DYNC2I1: variants seen among roughly 807,000 people sequenced by gnomAD.
The protein encoded by DYNC2I1 is dynein 2 intermediate chain 1, also known as cytoplasmic dynein 2 intermediate chain 1.
Under a neutral mutation model 133.4 loss-of-function variants are expected in DYNC2I1, and 89 were observed. That is an observed-to-expected ratio of 0.67 (90% confidence interval 0.56 to 0.80). DYNC2I1 has a LOEUF of 0.80. Among genes scored for constraint, DYNC2I1 ranks in the 30% least tolerant of loss-of-function variants. DYNC2I1 has a pLI of 0.00. For missense variants in DYNC2I1, 1,291 were observed against 1,314.5 expected, an observed-to-expected ratio of 0.98 and a Z score of 0.28; for synonymous variants, 504 against 484.3, an observed-to-expected ratio of 1.04 and a Z score of -0.54.
intron 21 of DYNC2I1, among the ~76,000 whole-genome samples, chr7:158,932,233 G>C (rs879759935): frequency 6.6e-5 from 10 of 152,328 alleles, no homozygotes; most frequent in Middle Eastern, 6.8e-3. Context: ...GACGAAGTGT[G>C]CTGTCAGGAT....
chr7:158,840,787 T>A, the DYNC2I1 span, among the ~76,000 whole-genome samples: 3 of 152,132 alleles, frequency 2.0e-5, no homozygotes, highest in South Asian at 6.2e-4. Flanking sequence ...CTCGGCCTGT[T>A]GTGAACTGCA....
chr7:158,907,235 G>A (rs1846916493), intron 11 of DYNC2I1, among the ~76,000 whole-genome samples: 2 of 146,150 alleles, frequency 1.4e-5, no homozygotes, highest in African/African-American at 5.0e-5. Flanking sequence ...TGGTTCTCCT[G>A]TGGAGGTAGC....
At chr7:158,918,971 T>A in intron 15 of DYNC2I1, 102 bp downstream of exon 15, 1 of 1,279,568 alleles carries the variant, frequency 7.8e-7, no homozygotes, top group Non-Finnish European at 1.0e-6. Flanking sequence ...TGATGGGGTT[T>A]AATGTACATA....
At chr7:158,948,032 A>G (rs1171866819), downstream of DYNC2I1, among the ~76,000 whole-genome samples, 1 of 152,218 alleles carries the variant, frequency 6.6e-6, no homozygotes, top group Non-Finnish European at 1.5e-5. Flanking sequence ...CCTCACCCCC[A>G]GGGAGGAGCT....
intron 1 of DYNC2I1, among the ~76,000 whole-genome samples, chr7:158,857,842 G>A (rs933871172): frequency 2.1e-5 from 3 of 145,588 alleles, no homozygotes; most frequent in African/African-American, 7.6e-5. Context: ...CCAGGCTGGA[G>A]TACAGTGGCA....
At chr7:158,881,681 C>T (rs976670433) in intron 5 of DYNC2I1, among the ~76,000 whole-genome samples, 13 of 152,118 alleles carry the variant, frequency 8.5e-5, no homozygotes, top group African/African-American at 3.1e-4. Flanking sequence ...TCTCAATCTC[C>T]TGACCTCATG....
At chr7:158,910,053 C>T (rs1175704642) in intron 11 of DYNC2I1, among the ~76,000 whole-genome samples, 1 of 152,162 alleles carries the variant, frequency 6.6e-6, no homozygotes, top group African/African-American at 2.4e-5. Context: ...TCATTGAGCA[C>T]CGGCTGTGTG....
chr7:158,908,516 G>A (rs182466473), intron 11 of DYNC2I1, among the ~76,000 whole-genome samples: 10 of 152,302 alleles, frequency 6.6e-5, no homozygotes, highest in African/African-American at 2.4e-4. Context: ...TGCATAAAAT[G>A]TTTTTATAAT....
chr7:158,873,779 T>C (rs956702460), intron 3 of DYNC2I1, among the ~76,000 whole-genome samples: 2 of 152,052 alleles, frequency 1.3e-5, no homozygotes, highest in Non-Finnish European at 2.9e-5. Context: ...TTTTTGGAGA[T>C]AGAGTCTCAC....
At chr7:158,952,372 G>C (rs1226895197) in intron 4 of DYNC2I1, among the ~76,000 whole-genome samples, 1 of 152,172 alleles carries the variant, frequency 6.6e-6, no homozygotes, top group Admixed American at 6.5e-5. Context: ...CCGCCTACCT[G>C]AATTGGTATT....
At chr7:158,863,321 CTT>C in intron 1 of DYNC2I1, among the ~76,000 whole-genome samples, 1 of 152,094 alleles carries the variant, frequency 6.6e-6, no homozygotes, top group Middle Eastern at 3.4e-3. Flanking sequence ...GTTTACAAAC[CTT>C]CAGCAAGACA....
chr7:158,879,270 G>A (rs1186044306), intron 4 of DYNC2I1, among the ~76,000 whole-genome samples: 2 of 152,038 alleles, frequency 1.3e-5, no homozygotes, highest in African/African-American at 2.4e-5. Flanking sequence ...AGTTCTGTAA[G>A]TTTTCCTCCT....
At chr7:158,889,987 C>T (rs781446304) in intron 7 of DYNC2I1, among the ~76,000 whole-genome samples, 51 of 125,272 alleles carry the variant, frequency 4.1e-4, no homozygotes, top group Middle Eastern at 5.9e-3. Flanking sequence ...ACCTGGGCCA[C>T]GGAGTGAGAC....
At chr7:158,944,235 T>C (rs1585263101) in intron 24 of DYNC2I1, among the ~76,000 whole-genome samples, 1 of 152,064 alleles carries the variant, frequency 6.6e-6, no homozygotes, top group Non-Finnish European at 1.5e-5. Flanking sequence ...AGCCTTGTGG[T>C]GGCTCAGTGT....
chr7:158,856,592 TG>T lies in DYNC2I1; in HGVS notation c.-141del. ...CGCAGGGCACGCTGGGCAGTGCTTC[TG>T]GGCCCTCTGCTGCTCCTGCTTGTCG... On this transcript the variant is annotated 5_prime_UTR_variant, in exon 1 of 25. Coordinates refer to ENST00000407559, the MANE Select transcript of DYNC2I1 (RefSeq NM_018051.5). 1.2e-6 allele frequency: 1 copy of T among 850,122 alleles called. No homozygotes were observed. Among genetic ancestry groups the T allele is most frequent in the Non-Finnish European group, 1.6e-6 (1 of 640,648 alleles). 52.7% of individuals were successfully genotyped at this position (850,122 alleles called of 1,614,324 possible). A position where few individuals can be genotyped will look rare whatever the true frequency, so the allele number is the denominator to read the frequency against.
chr7:158,897,788 G>C (rs1585076328), intron 8 of DYNC2I1, among the ~76,000 whole-genome samples: 1 of 151,952 alleles, frequency 6.6e-6, no homozygotes, highest in Non-Finnish European at 1.5e-5. Context: ...GCTTACTTCA[G>C]ATTTAATTTG....
rs745336510 is a variant in DYNC2I1, at chr7:158,939,441, G to A, written c.2779-2484G>A. ...AGTCTAGGTCACAGAATGAGATCCC[G>A]TCTCAATAAATAAGTAAATAATCAC... On this transcript the variant is annotated intron_variant, in intron 23 of 24. Coordinates refer to ENST00000407559, the MANE Select transcript of DYNC2I1 (RefSeq NM_018051.5). Among the ~76,000 whole-genome samples, 6 of 152,050 alleles carry A rather than the reference G, an allele frequency of 3.9e-5. No individual in the cohort carries two copies. The East Asian group carries it at 5.8e-4, about 15-fold the overall frequency.
chr7:158,858,516 T>A (rs1212302557), intron 1 of DYNC2I1, among the ~76,000 whole-genome samples: 2 of 152,228 alleles, frequency 1.3e-5, no homozygotes, highest in Non-Finnish European at 2.9e-5. Flanking sequence ...CTATTTGCCC[T>A]GTTTTTTTAG....
chr7:158,915,549 T>G (rs375113247), intron 14 of DYNC2I1, among the ~76,000 whole-genome samples: 18 of 82,584 alleles, frequency 2.2e-4, no homozygotes, highest in East Asian at 6.0e-4. Context: ...ACACGGTGGT[T>G]GAGATTAAGG....
Sources: gnomAD v4.1 joint callset for allele counts (sites outside exome capture counted in the v4.1 genomes callset) on GRCh38, gnomAD v4.1.1 for gene constraint, MANE v1.5 for transcripts, NCBI Gene and HGNC (gene_info 2026-07-23, HGNC 2026-07-21) for gene names.